CCNB3: variants seen among roughly 807,000 people sequenced by gnomAD.
CCNB3 encodes G2/mitotic-specific cyclin-B3.
In CCNB3, 12 loss-of-function variants were observed where a neutral mutation model predicts 68.0. The ratio of observed to expected loss-of-function variants is 0.18; its 90% confidence interval spans 0.11 to 0.29. CCNB3 has a LOEUF of 0.29. Ranked by LOEUF, CCNB3 falls within the 10% of genes least tolerant of loss-of-function variation. The probability of loss-of-function intolerance (pLI) is 1.00; values close to 1 mark genes in which losing one functional copy is unlikely to be tolerated. For synonymous variants in CCNB3, 354 were observed against 388.9 expected, an observed-to-expected ratio of 0.91 and a Z score of 1.06; for missense variants, 904 against 993.1, an observed-to-expected ratio of 0.91 and a Z score of 1.21.
At chrX:50,334,670 G>A (rs1922762666) in intron 8 of CCNB3, among the ~76,000 whole-genome samples, 1 of 112,322 alleles carries the variant, frequency 8.9e-6, no homozygotes, top group South Asian at 3.7e-4. Flanking sequence ...AGTGTAAAGG[G>A]CTTTGTCAAA....
chrX:50,346,940 T>C (rs1204558758), intron 10 of CCNB3, 133 bp downstream of exon 10: 1 of 652,080 alleles, frequency 1.5e-6, no homozygotes, highest in Non-Finnish European at 2.2e-6. Flanking sequence ...TTCCATCCAA[T>C]CTCCTAGGTT....
intron 1 of CCNB3, among the ~76,000 whole-genome samples, chrX:50,280,442 G>T (rs1936118189): frequency 1.8e-5 from 2 of 108,470 alleles, no homozygotes; most frequent in Non-Finnish European, 1.9e-5. Flanking sequence ...GTACAATTTT[G>T]TCATCTGTAA....
intron 11 of CCNB3, 143 bp from the exon 12 acceptor site, chrX:50,351,098 G>C (rs1602257121): frequency 1.6e-6 from 1 of 619,729 alleles, no homozygotes; most frequent in Non-Finnish European, 2.5e-6. Flanking sequence ...ATTGATCAGC[G>C]TCCAGATGGT....
At chrX:50,331,992 G>A (rs1352868583) in intron 8 of CCNB3, among the ~76,000 whole-genome samples, 1 of 111,169 alleles carries the variant, frequency 9.0e-6, no homozygotes, top group Non-Finnish European at 1.9e-5. Flanking sequence ...TGGCCCAAAT[G>A]ACACAAGACC....
intron 8 of CCNB3, among the ~76,000 whole-genome samples, chrX:50,322,835 C>T: frequency 9.0e-6 from 1 of 111,101 alleles, no homozygotes; most frequent in South Asian, 3.8e-4. Context: ...TCATCACTGG[C>T]CATCAGAGAA....
intron 5 of CCNB3, among the ~76,000 whole-genome samples, chrX:50,299,068 CT>C (rs1346364053): frequency 2.7e-5 from 3 of 111,281 alleles, no homozygotes; most frequent in Non-Finnish European, 5.7e-5. Flanking sequence ...TTTTGTTGAT[CT>C]TTTCAAAAAA....
At chrX:50,207,358 T>C (rs73211769) in intron 1 of CCNB3, among the ~76,000 whole-genome samples, 2 of 112,178 alleles carry the variant, frequency 1.8e-5, no homozygotes, top group South Asian at 3.7e-4. Context: ...TAAATTCACA[T>C]ATCACATTCT....
chrX:50,279,221 CATATATAAATATATATGAATATATATACT>C (rs1936023230), intron 1 of CCNB3, among the ~76,000 whole-genome samples: 1 of 53,583 alleles, frequency 1.9e-5, no homozygotes, highest in East Asian at 6.1e-4. Flanking sequence ...TATATATATT[CATATATAAATATATATGAATATATATACT>C]ATATATAAAT....
At chrX:50,318,981 C>T (rs1921882211) in intron 8 of CCNB3, among the ~76,000 whole-genome samples, 1 of 111,539 alleles carries the variant, frequency 9.0e-6, no homozygotes, top group Non-Finnish European at 1.9e-5. Context: ...CATGTGTTGT[C>T]ACAACTCATT....
intron 1 of CCNB3, among the ~76,000 whole-genome samples, chrX:50,279,780 A>G (rs1185540667): frequency 2.2e-5 from 2 of 89,538 alleles, no homozygotes; most frequent in African/African-American, 4.1e-5. Flanking sequence ...ATGTATATTC[A>G]TATATGTAAA....
chrX:50,279,712 A>G (rs1251950767), intron 1 of CCNB3, among the ~76,000 whole-genome samples: 7 of 91,706 alleles, frequency 7.6e-5, no homozygotes, highest in Non-Finnish European at 1.5e-4. Context: ...GAATATGTAT[A>G]TTCATATATG....
chrX:50,341,530 A>G (rs1923142607), intron 8 of CCNB3, among the ~76,000 whole-genome samples: 1 of 106,823 alleles, frequency 9.4e-6, no homozygotes, highest in Non-Finnish European at 1.9e-5. Context: ...AATGAAATAG[A>G]GACTAAAAAA....
At chrX:50,227,739 A>G in intron 1 of CCNB3, among the ~76,000 whole-genome samples, 1 of 88,434 alleles carries the variant, frequency 1.1e-5, no homozygotes, top group Non-Finnish European at 2.1e-5. Context: ...TAATATATAT[A>G]AATATGTATA....
intron 1 of CCNB3, among the ~76,000 whole-genome samples, chrX:50,226,956 GTATATATATAGAATATATA>G (rs1935854730): frequency 4.4e-5 from 3 of 67,888 alleles, no homozygotes; most frequent in African/African-American, 1.9e-4. Flanking sequence ...AATATATATA[GTATATATATAGAATATATA>G]TAGTATATAT....
intron 8 of CCNB3, among the ~76,000 whole-genome samples, chrX:50,322,809 C>T (rs1304051720): frequency 1.8e-5 from 2 of 111,471 alleles, no homozygotes; most frequent in Admixed American, 9.5e-5. Flanking sequence ...CCAAAAAACA[C>T]ATGAAAAAAT....
In CCNB3 at chrX:50,303,256, G is replaced by A. The variant is rs1056140092; in HGVS notation, c.336-5249G>A. Among the ~76,000 whole-genome samples, 8 of 110,954 alleles carry A rather than the reference G, an allele frequency of 7.2e-5. No homozygotes were observed. The East Asian group carries it at 8.5e-4, about 12-fold the overall frequency. On this transcript the variant is annotated intron_variant, in intron 5 of 12. Coordinates refer to ENST00000376042, the MANE Select transcript of CCNB3 (RefSeq NM_033031.3). ...TGCCTCCTGGATTCCAGTGGTTCTC[G>A]TGCCTCAGCCTCCTGAGTAGCTGGG...
At chrX:50,342,119 A>T (rs1923173387) in intron 8 of CCNB3, 83 bp from the exon 9 acceptor site, 1 of 1,086,628 alleles carries the variant, frequency 9.2e-7, no homozygotes, top group African/African-American at 1.8e-5. Context: ...GATGTTGCAG[A>T]TACTCCAGGT....
intron 1 of CCNB3, among the ~76,000 whole-genome samples, chrX:50,280,560 A>C (rs1936120381): frequency 1.8e-5 from 2 of 109,416 alleles, no homozygotes; most frequent in Non-Finnish European, 3.8e-5. Context: ...AGCTCTCTGC[A>C]CTTTGGGTCC....
chrX:50,300,173 A>G (rs1410601401), intron 5 of CCNB3, among the ~76,000 whole-genome samples: 2 of 111,530 alleles, frequency 1.8e-5, no homozygotes, highest in African/African-American at 6.5e-5. Flanking sequence ...TGATCCTGTC[A>G]TTATGATGTT....
Sources: gnomAD v4.1 joint callset for allele counts (sites outside exome capture counted in the v4.1 genomes callset) on GRCh38, gnomAD v4.1.1 for gene constraint, MANE v1.5 for transcripts, NCBI Gene and HGNC (gene_info 2026-07-23, HGNC 2026-07-21) for gene names.